Variants in KDSR observed in about 807,000 individuals in gnomAD.
The protein encoded by KDSR is 3-dehydrosphinganine reductase.
Under a neutral mutation model 41.3 loss-of-function variants are expected in KDSR, and 23 were observed. That is an observed-to-expected ratio of 0.56 (90% confidence interval 0.40 to 0.79). KDSR has a LOEUF of 0.79. Ranked by LOEUF, KDSR falls within the 30% of genes least tolerant of loss-of-function variation. KDSR has a pLI of 0.00. For synonymous variants in KDSR, 138 were observed against 151.7 expected, an observed-to-expected ratio of 0.91 and a Z score of 0.66; for missense variants, 351 against 416.8, an observed-to-expected ratio of 0.84 and a Z score of 1.37.
intron 2 of KDSR, among the ~76,000 whole-genome samples, chr18:63,360,381 A>C (rs1349844955): frequency 3.3e-5 from 5 of 152,236 alleles, no homozygotes; most frequent in Non-Finnish European, 7.3e-5. Flanking sequence ...TCAAGAAAAC[A>C]GATATCAGAT....
intron 3 of KDSR, among the ~76,000 whole-genome samples, chr18:63,355,974 G>A (rs1284634133): frequency 6.6e-6 from 1 of 152,160 alleles, no homozygotes; most frequent in Admixed American, 6.5e-5. Flanking sequence ...AAATTCCTAA[G>A]AAAAGGAAAC....
intron 2 of KDSR, among the ~76,000 whole-genome samples, chr18:63,361,017 A>ATATATATATATAAAATATATAT (rs761703297): frequency 3.7e-5 from 4 of 106,858 alleles, no homozygotes; most frequent in South Asian, 2.9e-4. Flanking sequence ...TATATATATA[A>ATATATATATATAAAATATATAT]AATATATAAT....
At position 63,363,207 on chromosome 18, in the gene KDSR, C is replaced by CTT. The variant is rs1006397920; in HGVS notation, c.109-341_109-340dup. On this transcript the variant is annotated intron_variant, in intron 1 of 9. Transcript: ENST00000645214. ...TCCAAATCCAAATGAATCTTATTTT[C>CTT]TTTTTTTTTTTCTTTTTTTTTTTTT... is the stretch of plus-strand genomic sequence containing the variant. 4.4e-3 allele frequency among the ~76,000 whole-genome samples: 541 copies of CTT among 121,776 alleles called. 2 individuals are homozygous for CTT. The highest frequency in any genetic ancestry group is 0.015 in the African/African-American group (514 of 33,388). 79.9% of individuals were successfully genotyped at this position (121,776 alleles called of 152,430 possible). A position where few individuals can be genotyped will look rare whatever the true frequency, so the allele number is the denominator to read the frequency against.
chr18:63,343,799 G>A (rs766233375), intron 7 of KDSR, among the ~76,000 whole-genome samples: 15 of 151,792 alleles, frequency 9.9e-5, no homozygotes, highest in Non-Finnish European at 1.9e-4. Context: ...GCTACCTCTA[G>A]GGAGTAGGAA....
At chr18:63,356,124 G>C (rs184597989) in intron 3 of KDSR, among the ~76,000 whole-genome samples, 1 of 152,156 alleles carries the variant, frequency 6.6e-6, no homozygotes, top group Non-Finnish European at 1.5e-5. Context: ...TCGGCCAGGC[G>C]CGGTGGCTCA....
At chr18:63,336,393 ATG>A (rs138121573) in intron 8 of KDSR, among the ~76,000 whole-genome samples, 5,418 of 152,298 alleles carry the variant, frequency 0.036, 281 homozygotes, top group East Asian at 0.26. Flanking sequence ...AGACTTAGGT[ATG>A]TGGCAGATGT....
chr18:63,333,672 C>A (rs1410231208), intron 9 of KDSR, among the ~76,000 whole-genome samples: 1 of 152,124 alleles, frequency 6.6e-6, no homozygotes, highest in Non-Finnish European at 1.5e-5. Context: ...AAATCTGGAC[C>A]TTTTATATAA....
At chr18:63,358,637 C>A (rs1488539435) in intron 3 of KDSR, among the ~76,000 whole-genome samples, 1 of 151,540 alleles carries the variant, frequency 6.6e-6, no homozygotes, top group Non-Finnish European at 1.5e-5. Flanking sequence ...CATGGTAAAA[C>A]CCTGTCTCTA....
intron 6 of KDSR, among the ~76,000 whole-genome samples, chr18:63,350,255 T>C (rs1392515099): frequency 1.3e-5 from 2 of 152,264 alleles, no homozygotes; most frequent in South Asian, 4.1e-4. Flanking sequence ...GCACTCATCA[T>C]GACAGACGCT....
intron 7 of KDSR, among the ~76,000 whole-genome samples, chr18:63,343,905 C>CAAT (rs1261067209): frequency 2.0e-5 from 3 of 152,034 alleles, no homozygotes; most frequent in African/African-American, 7.2e-5. Flanking sequence ...TGGCTGGGTA[C>CAAT]AATGGCTCAT....
intron 9 of KDSR, among the ~76,000 whole-genome samples, chr18:63,334,047 T>G (rs1914087890): frequency 6.6e-6 from 1 of 152,196 alleles, no homozygotes; most frequent in Non-Finnish European, 1.5e-5. Context: ...TCCTACTAAG[T>G]GCCAGGCGCT....
At chr18:63,338,517 A>G (rs185932028) in intron 8 of KDSR, among the ~76,000 whole-genome samples, 5 of 152,302 alleles carry the variant, frequency 3.3e-5, no homozygotes, top group African/African-American at 1.2e-4. Flanking sequence ...ACTCATAGGA[A>G]AGTCTCATTT....
intron 6 of KDSR, among the ~76,000 whole-genome samples, chr18:63,349,554 T>G (rs1914604889): frequency 2.0e-5 from 3 of 152,280 alleles, no homozygotes; most frequent in Admixed American, 2.0e-4. Flanking sequence ...TTAGGCCAGT[T>G]GATAACAATA....
At chr18:63,337,701 C>T (rs189622567) in intron 8 of KDSR, among the ~76,000 whole-genome samples, 22 of 152,234 alleles carry the variant, frequency 1.4e-4, no homozygotes, top group Non-Finnish European at 3.1e-4. Context: ...CTGAGGCGTG[C>T]GGATTACCCG....
chr18:63,347,968 T>C (rs1914561003), intron 6 of KDSR, among the ~76,000 whole-genome samples: 1 of 152,028 alleles, frequency 6.6e-6, no homozygotes, highest in Admixed American at 6.6e-5. Flanking sequence ...ACTTCAAAGT[T>C]AATTAAACCA....
intron 9 of KDSR, among the ~76,000 whole-genome samples, chr18:63,332,831 CAAAAAAAA>C (rs1159424416): frequency 1.3e-5 from 1 of 75,042 alleles, no homozygotes. Context: ...GACTCCGTCT[CAAAAAAAA>C]AAAAAAAAAA....
intron 5 of KDSR, among the ~76,000 whole-genome samples, chr18:63,352,253 A>G (rs1172068775): frequency 6.6e-6 from 1 of 152,232 alleles, no homozygotes; most frequent in East Asian, 1.9e-4. Context: ...TATTATGAAC[A>G]GAACATGAAC....
chr18:63,354,521 A>G (rs1048830177), intron 5 of KDSR, among the ~76,000 whole-genome samples: 3 of 152,024 alleles, frequency 2.0e-5, no homozygotes, highest in Non-Finnish European at 4.4e-5. Flanking sequence ...AAAAAAAATT[A>G]GCTGGGTGTG....
chr18:63,339,492 T>G (rs1461996183), intron 7 of KDSR, among the ~76,000 whole-genome samples: 3 of 152,234 alleles, frequency 2.0e-5, no homozygotes, highest in Non-Finnish European at 2.9e-5. Context: ...GGTCCCTAGA[T>G]GGGCTGCATG....
Sources: gnomAD v4.1 joint callset for allele counts (sites outside exome capture counted in the v4.1 genomes callset) on GRCh38, gnomAD v4.1.1 for gene constraint, MANE v1.5 for transcripts, NCBI Gene and HGNC (gene_info 2026-07-23, HGNC 2026-07-21) for gene names.